WDPCP: variants seen among roughly 807,000 people sequenced by gnomAD.
WDPCP encodes WD repeat containing planar cell polarity effector.
In WDPCP, 71 loss-of-function variants were observed where a neutral mutation model predicts 93.1. That is an observed-to-expected ratio of 0.76 (90% CI 0.63 to 0.93). The LOEUF is 0.93. Among genes scored for constraint, WDPCP ranks in the 40% least tolerant of loss-of-function variants. The pLI, the probability that WDPCP is intolerant of heterozygous loss-of-function variation, is 0.00. For missense variants in WDPCP, 844 were observed against 887.4 expected (o/e 0.95, Z 0.62); for synonymous variants, 315 against 315.0 (o/e 1.00, Z 0.00).
chr2:63,591,050 C>CT (rs1485162808), upstream of WDPCP: 1 of 152,146 alleles, frequency 6.6e-6, no homozygotes, highest in Non-Finnish European at 1.5e-5. Context: ...AAATATGTGG[C>CT]TCTGTCTGTG....
chr2:63,213,035 C>T (rs942325534), intron 14 of WDPCP, among the ~76,000 whole-genome samples: 2 of 152,144 alleles, frequency 1.3e-5, no homozygotes, highest in Admixed American at 6.5e-5. Context: ...GAGACTCAGA[C>T]ACCCCACTGT....
At chr2:63,298,643 A>T (rs929825943) in intron 13 of WDPCP, among the ~76,000 whole-genome samples, 1 of 152,102 alleles carries the variant, frequency 6.6e-6, no homozygotes, top group African/African-American at 2.4e-5. Flanking sequence ...GCCTTCAGCC[A>T]CAGCTGTGAG....
chr2:63,383,881 A>G (rs923999694), intron 10 of WDPCP, among the ~76,000 whole-genome samples: 1 of 152,184 alleles, frequency 6.6e-6, no homozygotes, highest in African/African-American at 2.4e-5. Flanking sequence ...ACAGTAAAAT[A>G]CATTCTTTTT....
At chr2:63,590,551 G>A (rs1372566721), upstream of WDPCP, 1 of 152,132 alleles carries the variant, frequency 6.6e-6, no homozygotes, top group Non-Finnish European at 1.5e-5. Flanking sequence ...TAGATTACTT[G>A]ATAGCTTTAT....
rs201796329 is a variant in WDPCP, at chr2:63,434,976, A to G, written c.634-1040T>C. Among the ~76,000 whole-genome samples, 4 of 152,266 alleles carry G rather than the reference A, an allele frequency of 2.6e-5. No individual in the cohort carries two copies. In the East Asian group the frequency reaches 7.7e-4, roughly 29 times the overall value. ...CCACTCAACCAAGGCCATTAAAACC[A>G]AGGTTAATGCTTTAATAATCCTCTG... On this transcript the variant is annotated intron_variant, in intron 8 of 17. Transcript: ENST00000272321.
intron 2 of WDPCP, among the ~76,000 whole-genome samples, chr2:63,681,164 A>G (rs1710488039): frequency 6.6e-6 from 1 of 152,140 alleles, no homozygotes; most frequent in Admixed American, 6.5e-5. Flanking sequence ...AAGCAGAAGG[A>G]AAACTGAGGG....
chr2:63,834,433 A>AT, the WDPCP span, among the ~76,000 whole-genome samples: 135 of 148,930 alleles, frequency 9.1e-4, 5 homozygotes, highest in South Asian at 4.5e-3. Flanking sequence ...CCAAATTCTC[A>AT]TTTTTTTTTT....
chr2:63,661,005 T>C (rs936533318), intron 2 of WDPCP, among the ~76,000 whole-genome samples: 1 of 152,244 alleles, frequency 6.6e-6, no homozygotes, highest in African/African-American at 2.4e-5. Context: ...ATTCCATTCT[T>C]GACTTTTGTT....
chr2:63,621,444 A>C (rs1709736420), intron 3 of WDPCP, among the ~76,000 whole-genome samples: 1 of 152,010 alleles, frequency 6.6e-6, no homozygotes, highest in Non-Finnish European at 1.5e-5. Context: ...GATCAACTTA[A>C]TGAAATAAAA....
At chr2:63,667,254 T>G (rs1007567615) in intron 2 of WDPCP, among the ~76,000 whole-genome samples, 4 of 152,178 alleles carry the variant, frequency 2.6e-5, no homozygotes, top group Non-Finnish European at 5.9e-5. Flanking sequence ...ATTTGGCAAG[T>G]GATGTTCACA....
At chr2:63,432,317 C>T in intron 9 of WDPCP, among the ~76,000 whole-genome samples, 1 of 152,152 alleles carries the variant, frequency 6.6e-6, no homozygotes. Flanking sequence ...AATCGATCAC[C>T]ACTTTCTGTT....
At chr2:63,796,603 T>C (rs1266515700) in intron 2 of WDPCP, among the ~76,000 whole-genome samples, 3 of 152,192 alleles carry the variant, frequency 2.0e-5, no homozygotes, top group Non-Finnish European at 4.4e-5. Context: ...AACTCAGTGC[T>C]GCCCTGTCAT....
chr2:63,501,351 G>A (rs938325686), intron 1 of WDPCP, among the ~76,000 whole-genome samples: 4 of 152,136 alleles, frequency 2.6e-5, no homozygotes, highest in African/African-American at 9.7e-5. Flanking sequence ...ATTGCTCTAA[G>A]TCAGGAGTTC....
At chr2:63,815,641 A>G (rs1670922300) in intron 1 of WDPCP, among the ~76,000 whole-genome samples, 1 of 152,212 alleles carries the variant, frequency 6.6e-6, no homozygotes, top group African/African-American at 2.4e-5. Context: ...ACCACGGACC[A>G]GTAGTATAGT....
At chr2:63,758,818 C>A (rs936148375) in intron 2 of WDPCP, among the ~76,000 whole-genome samples, 8 of 151,992 alleles carry the variant, frequency 5.3e-5, no homozygotes, top group African/African-American at 1.9e-4. Flanking sequence ...CACTTTGTTG[C>A]CCAGGCTGGA....
At chr2:63,763,747 T>C (rs1670096318) in intron 2 of WDPCP, among the ~76,000 whole-genome samples, 1 of 152,196 alleles carries the variant, frequency 6.6e-6, no homozygotes, top group South Asian at 2.1e-4. Flanking sequence ...TTATTTTCAT[T>C]TTCTTCCATT....
chr2:63,329,982 A>G (rs1041048227), intron 12 of WDPCP, among the ~76,000 whole-genome samples: 1 of 152,178 alleles, frequency 6.6e-6, no homozygotes, highest in Non-Finnish European at 1.5e-5. Flanking sequence ...TTCTTTATCC[A>G]TTCAACTTTT....
chr2:63,572,497 G>A (rs574436457), intron 1 of WDPCP, among the ~76,000 whole-genome samples: 1 of 151,930 alleles, frequency 6.6e-6, no homozygotes, highest in Non-Finnish European at 1.5e-5. Flanking sequence ...GAGGTCAGGA[G>A]CTTGAGACCA....
intron 1 of WDPCP, among the ~76,000 whole-genome samples, chr2:63,825,529 C>G (rs2104148248): frequency 1.3e-5 from 2 of 150,186 alleles, no homozygotes; most frequent in South Asian, 4.3e-4. Context: ...GATGGCATCT[C>G]CAATTCTCTC....
Sources: allele counts gnomAD v4.1 joint callset (sites outside exome capture counted in the v4.1 genomes callset), GRCh38; gene constraint gnomAD v4.1.1; transcripts MANE v1.5; gene names NCBI Gene and HGNC (gene_info 2026-07-23, HGNC 2026-07-21).